ABCC1: variants seen among roughly 807,000 people sequenced by gnomAD.
ABCC1 encodes the protein multidrug resistance-associated protein 1.
ABCC1 carries 83 observed loss-of-function variants against 172.9 expected under a neutral mutation model. That is an observed-to-expected ratio of 0.48 (90% confidence interval 0.40 to 0.58). The LOEUF (loss-of-function observed/expected upper bound fraction) is 0.58. Among genes scored for constraint, ABCC1 ranks in the 20% least tolerant of loss-of-function variants. The pLI is 0.00. For synonymous variants in ABCC1, 937 were observed against 825.2 expected, an observed-to-expected ratio of 1.14 and a Z score of -2.32; for missense variants, 1,817 against 2,002.7, an observed-to-expected ratio of 0.91 and a Z score of 1.77.
intron 21 of ABCC1, among the ~76,000 whole-genome samples, chr16:16,108,724 T>C (rs2052255981): frequency 1.3e-5 from 2 of 151,982 alleles, no homozygotes; most frequent in African/African-American, 4.8e-5. Context: ...GCCTTCCAAG[T>C]AGCTGTGACT....
chr16:16,085,998 A>G (rs971996858), intron 17 of ABCC1, among the ~76,000 whole-genome samples: 6 of 152,156 alleles, frequency 3.9e-5, no homozygotes, highest in African/African-American at 2.4e-5. Context: ...CAGCATCCCC[A>G]GGCCGGAGCC....
chr16:16,117,143 A>G (rs1213327544), intron 23 of ABCC1, among the ~76,000 whole-genome samples: 3 of 152,220 alleles, frequency 2.0e-5, no homozygotes, highest in African/African-American at 7.2e-5. Flanking sequence ...TCATACTGCT[A>G]TGAAGAAATA....
intron 29 of ABCC1, 40 bp downstream of exon 29, chr16:16,136,684 C>T: frequency 6.2e-7 from 1 of 1,604,858 alleles, no homozygotes; most frequent in South Asian, 1.1e-5. Context: ...GTAAGGTGTC[C>T]TAGGCGCCAT....
intron 17 of ABCC1, among the ~76,000 whole-genome samples, chr16:16,083,895 G>C (rs2050905480): frequency 6.6e-6 from 1 of 152,154 alleles, no homozygotes; most frequent in Non-Finnish European, 1.5e-5. Flanking sequence ...ACTTGGCCAA[G>C]CTCAAAGGCA....
chr16:16,102,968 C>T (rs927160122), intron 20 of ABCC1, among the ~76,000 whole-genome samples: 2 of 152,190 alleles, frequency 1.3e-5, no homozygotes, highest in Admixed American at 6.5e-5. Context: ...GCTTCTGACA[C>T]TCGGGCTCCC....
intron 23 of ABCC1, among the ~76,000 whole-genome samples, chr16:16,117,988 C>T (rs367949189): frequency 1.3e-5 from 2 of 152,278 alleles, no homozygotes; most frequent in South Asian, 2.1e-4. Flanking sequence ...TCTGCAGAAA[C>T]GGTTATATGT....
At chr16:16,106,655 C>T in intron 20 of ABCC1, 83 bp from the exon 21 acceptor site, 1 of 1,572,726 alleles carries the variant, frequency 6.4e-7, no homozygotes, top group Non-Finnish European at 8.7e-7. Flanking sequence ...GGTTCAGACC[C>T]ACAATAGCAG....
At chr16:16,025,858 A>G (rs1401190732) in intron 5 of ABCC1, among the ~76,000 whole-genome samples, 3 of 152,150 alleles carry the variant, frequency 2.0e-5, no homozygotes, top group Admixed American at 1.3e-4. Flanking sequence ...TTCATTTCAA[A>G]TGAAAGAGGG....
At chr16:16,016,826 T>G (rs1377248200) in intron 5 of ABCC1, among the ~76,000 whole-genome samples, 1 of 152,234 alleles carries the variant, frequency 6.6e-6, no homozygotes, top group Non-Finnish European at 1.5e-5. Flanking sequence ...GAGAATCTGC[T>G]TTGTCATTGA....
chr16:15,982,973 T>TA (rs2046661275), intron 1 of ABCC1, among the ~76,000 whole-genome samples: 1 of 152,064 alleles, frequency 6.6e-6, no homozygotes, highest in Non-Finnish European at 1.5e-5. Context: ...TATTAGATAC[T>TA]ATATAGCATG....
chr16:15,992,235 C>T (rs928176298), intron 1 of ABCC1, among the ~76,000 whole-genome samples: 6 of 136,324 alleles, frequency 4.4e-5, no homozygotes, highest in Admixed American at 7.1e-5. Flanking sequence ...TCAGGGCTCC[C>T]ACCGATTCTA....
chr16:16,142,649 C>G lies in ABCC1; in HGVS notation c.*1368C>G, dbSNP rs2046166971. On this transcript the variant is annotated 3_prime_UTR_variant, in exon 31 of 31. Coordinates refer to ENST00000399410, the MANE Select transcript of ABCC1 (RefSeq NM_004996.4). ...TCCGGGGAGAAAAACAGTCTCAAAA[C>G]TTGAACTTCTTGGGAATAGAAGTGT... 6.6e-6 allele frequency: 1 copy of G among 151,396 alleles called. No homozygotes were observed. The highest frequency in any genetic ancestry group is 1.5e-5 in the Non-Finnish European group (1 of 67,912). 9.4% of individuals were successfully genotyped at this position (151,396 alleles called of 1,614,324 possible).
chr16:16,125,899 G>C lies in ABCC1; in HGVS notation c.3807G>C (p.Glu1269Asp). The C allele has an allele frequency of 3.1e-6, 5 of 1,613,866 alleles. No individual in the cohort carries two copies. The highest frequency in any genetic ancestry group is 3.4e-6 in the Non-Finnish European group (4 of 1,179,916). Residue 1269 changes from glutamate (E) to aspartate (D), a missense_variant, in exon 26 of 31, where the codon GAG becomes GAC. Physicochemically the swap from Glu to Asp is conservative, Grantham distance 45. Coordinates refer to ENST00000399410, the MANE Select transcript of ABCC1 (RefSeq NM_004996.4). ...TGGAGAGGCTCAAGGAGTATTCAGA[G>C]ACTGAGAAGGAGGTAGGCAAGGGCC... ...VAVERLKEYS[E>D]TEKEAPWQIQ...
chr16:15,957,324 G>GATCT (rs1238695307), intron 1 of ABCC1, among the ~76,000 whole-genome samples: 1 of 149,974 alleles, frequency 6.7e-6, no homozygotes, highest in African/African-American at 2.5e-5. Context: ...GAACTCAGGC[G>GATCT]ATCTGCCTGC....
chr16:16,018,042 G>A (rs1690411), intron 5 of ABCC1, among the ~76,000 whole-genome samples: 9 of 152,290 alleles, frequency 5.9e-5, no homozygotes, highest in Admixed American at 2.6e-4. Flanking sequence ...TGAGTATGGG[G>A]CAGGGAGGCC....
At chr16:16,024,855 G>C (rs1403383131) in intron 5 of ABCC1, among the ~76,000 whole-genome samples, 1 of 152,110 alleles carries the variant, frequency 6.6e-6, no homozygotes, top group Non-Finnish European at 1.5e-5. Flanking sequence ...GCTGAGCCAG[G>C]ATATTCCCCT....
At chr16:16,110,910 CTT>C (rs776987366) in intron 21 of ABCC1, among the ~76,000 whole-genome samples, 2 of 151,542 alleles carry the variant, frequency 1.3e-5, no homozygotes, top group South Asian at 2.1e-4. Flanking sequence ...GAGTTTGTCT[CTT>C]TTTTTTGAGA....
chr16:16,131,748 G>T (rs1291658579), intron 26 of ABCC1, 41 bp from the exon 27 acceptor site: 2 of 1,602,206 alleles, frequency 1.2e-6, no homozygotes, highest in Non-Finnish European at 1.7e-6. Flanking sequence ...TTACCAGATG[G>T]ACTGGAAATT....
intron 10 of ABCC1, among the ~76,000 whole-genome samples, chr16:16,051,844 C>T (rs2049442772): frequency 6.6e-6 from 1 of 152,220 alleles, no homozygotes; most frequent in South Asian, 2.1e-4. Flanking sequence ...TATGCAGACA[C>T]TAGCCAAGGG....
Sources: allele counts gnomAD v4.1 joint callset (sites outside exome capture counted in the v4.1 genomes callset), GRCh38; gene constraint gnomAD v4.1.1; transcripts MANE v1.5; gene names NCBI Gene and HGNC (gene_info 2026-07-23, HGNC 2026-07-21).